Variants in EXOC1 observed in about 807,000 individuals in gnomAD.
The protein encoded by EXOC1 is exocyst complex component 1, also known as SEC3-like 1.
EXOC1 carries 67 observed loss-of-function variants against 107.7 expected under a neutral mutation model. That is an observed-to-expected ratio of 0.62 (90% CI 0.51 to 0.76). The LOEUF is 0.76. Among genes scored for constraint, EXOC1 ranks in the 30% least tolerant of loss-of-function variants. The pLI is 0.00. For missense variants in EXOC1, 833 were observed against 1,055.7 expected, an observed-to-expected ratio of 0.79 and a Z score of 2.92; for synonymous variants, 348 against 353.5, an observed-to-expected ratio of 0.98 and a Z score of 0.17.
In EXOC1 at chr4:55,868,311, T is replaced by C. The variant is rs1316926507; in HGVS notation, c.416-25T>C. 3.2e-6 allele frequency: 5 copies of C among 1,583,132 alleles called. No individual in the cohort carries two copies. The African/African-American group carries it at 6.8e-5, about 22-fold the overall frequency. ...GTCTTTTCTACTTTTTTGACTATTT[T>C]ACTTTGAATTTTTACCTCTTTAAGA... On this transcript the variant is annotated intron_variant, in intron 4 of 18. Transcript: ENST00000381295.
At position 55,892,696 on chromosome 4, in the gene EXOC1, T is replaced by C; in HGVS notation, c.1709T>C (p.Leu570Pro). Reference sequence around the variant, plus strand: ...CGGCAACATAATTGTGGCACACCACTGCCTGTTTCATCTGAGTATGTCTTT... The same window carrying C: ...CGGCAACATAATTGTGGCACACCACCGCCTGTTTCATCTGAGTATGTCTTT... ...LSRQHNCGTP[L>P]PVSSEKDMIR... Residue 570 changes from leucine (L) to proline (P), a missense_variant, in exon 14 of 19, where the codon CTG (leucine) becomes CCG (proline). Coordinates refer to ENST00000381295, the MANE Select transcript of EXOC1 (RefSeq NM_001024924.2). The C allele has an allele frequency of 2.5e-6, 4 of 1,614,098 alleles. No individual in the cohort carries two copies. Among genetic ancestry groups the C allele is most frequent in the African/African-American group, 1.3e-5 (1 of 75,032 alleles).
chr4:55,882,360 A>G (rs1225012535), intron 9 of EXOC1, among the ~76,000 whole-genome samples: 1 of 152,094 alleles, frequency 6.6e-6, no homozygotes, highest in African/African-American at 2.4e-5. Context: ...GGCTGGCATC[A>G]TAGAGTTTTG....
Position 55,893,653 on chromosome 4 carries a change from C to T in EXOC1, c.1826C>T (p.Ser609Phe), listed in dbSNP as rs770147187. 6.2e-7 allele frequency: 1 copy of T among 1,614,082 alleles called. No individual in the cohort carries two copies. The highest frequency in any genetic ancestry group is 1.1e-5 in the South Asian group (1 of 91,082). ...GGAGACAAAATTGATAGCTTTAACT[C>T]TCTTTATATGTTAGTCAAAATGAGT... ...ALGDKIDSFNSLYMLVKMSHH... is the reference protein window; with the variant it reads ...ALGDKIDSFNFLYMLVKMSHH... The change falls in exon 15 of 19, where the codon TCT (serine) becomes TTT (phenylalanine). Residue 609 changes from serine to phenylalanine, a missense_variant. This residue lies in a region of EXOC1 where 216 missense variants were observed against 354.4 expected (regional missense o/e 0.61). Transcript: ENST00000381295.
intron 16 of EXOC1, among the ~76,000 whole-genome samples, chr4:55,898,074 G>A (rs1311164255): frequency 6.6e-6 from 1 of 152,136 alleles, no homozygotes; most frequent in African/African-American, 2.4e-5. Context: ...GGGCATCATA[G>A]TGAGGCCTTG....
chr4:55,874,780 A>G (rs1196745983), intron 8 of EXOC1, among the ~76,000 whole-genome samples: 3 of 152,094 alleles, frequency 2.0e-5, no homozygotes, highest in South Asian at 4.1e-4. Flanking sequence ...TTTTACATTT[A>G]CTAGGGATTT....
At chr4:55,902,164 C>G (rs1003991700) in intron 17 of EXOC1, 180 bp from the exon 18 acceptor site, 1 of 411,048 alleles carries the variant, frequency 2.4e-6, no homozygotes, top group African/African-American at 2.1e-5. Flanking sequence ...ACAAGGAACT[C>G]TACAATATTA....
At chr4:55,865,727 A>G (rs1287238233) in intron 4 of EXOC1, among the ~76,000 whole-genome samples, 5 of 152,146 alleles carry the variant, frequency 3.3e-5, no homozygotes, top group African/African-American at 4.8e-5. Context: ...GGACAGTCAT[A>G]TAGAAAAATA....
At chr4:55,863,243 A>G (rs1052659582) in intron 3 of EXOC1, among the ~76,000 whole-genome samples, 9 of 152,118 alleles carry the variant, frequency 5.9e-5, no homozygotes, top group Admixed American at 3.3e-4. Context: ...CATTCAAGGG[A>G]GAAATATTAG....
intron 5 of EXOC1, 148 bp downstream of exon 5, chr4:55,868,671 CT>C: frequency 1.8e-6 from 1 of 556,732 alleles, no homozygotes. Context: ...TGCCATCAGT[CT>C]TTTACTGTTC....
intron 1 of EXOC1, 61 bp from the exon 2 acceptor site, chr4:55,858,253 A>G (rs769761310): frequency 1.9e-5 from 27 of 1,428,312 alleles, no homozygotes; most frequent in Non-Finnish European, 2.0e-5. Flanking sequence ...TCATAAATTC[A>G]GAAGTATAAG....
chr4:55,892,816 C>A, intron 14 of EXOC1, 105 bp downstream of exon 14: 2 of 986,778 alleles, frequency 2.0e-6, no homozygotes, highest in Non-Finnish European at 3.2e-6. Flanking sequence ...CCTGACAGCA[C>A]TCACAGTACC....
chr4:55,871,245 A>G lies in EXOC1; in HGVS notation c.964+12A>G, dbSNP rs1252670031. On this transcript the variant is annotated intron_variant, in intron 7 of 18. Transcript: ENST00000381295. ...AGCTCTTCGACCAGGTATGTTCATT[A>G]GAAATGACAAAAATGTGACCAAGAA... The G allele has an allele frequency of 6.3e-7, 1 of 1,598,454 alleles. No individual in the cohort carries two copies. The highest frequency in any genetic ancestry group is 1.3e-5 in the African/African-American group (1 of 74,338).
rs1227488641 is a variant in EXOC1 at position 55,902,791 on chromosome 4, T to TGGTC, written c.2532+256_2532+257insCGGT. 2.0e-5 allele frequency among the ~76,000 whole-genome samples: 3 copies of TGGTC among 151,558 alleles called. No individual in the cohort carries two copies. In the East Asian group the frequency reaches 5.8e-4, roughly 29 times the overall value. On this transcript the variant is annotated intron_variant, in intron 18 of 18. Coordinates refer to ENST00000381295, the MANE Select transcript of EXOC1 (RefSeq NM_001024924.2). ...GTTTTTCTTTGGTTGGTTGGTTGGT[T>TGGTC]GGTTGGTTGGTTGGTTGAGTGGTTG...
chr4:55,853,815 GCT>G lies in EXOC1; in HGVS notation c.-148_-147del, dbSNP rs1213526215. On this transcript the variant is annotated 5_prime_UTR_variant, in exon 1 of 19. Transcript: ENST00000381295. Reference sequence around the variant, plus strand: ...GCCTTGCGGTAAGCCTTCGGCCGCGGCTGCCCGGTAGTCCCGGCGGCGGCGGA... The same window carrying G: ...GCCTTGCGGTAAGCCTTCGGCCGCGGGCCCGGTAGTCCCGGCGGCGGCGGA... The G allele has an allele frequency of 6.6e-6, 1 of 152,360 alleles. No individual in the cohort carries two copies. Among genetic ancestry groups the G allele is most frequent in the East Asian group, 1.9e-4 (1 of 5,200 alleles). The allele number at this position is 152,360 out of a possible 1,614,324, so 9.4% of individuals were successfully genotyped here.
At position 55,902,355 on chromosome 4, in the gene EXOC1, A is replaced by C. The variant is rs2109519354; in HGVS notation, c.2349A>C (p.Glu783Asp). 2.1e-6 allele frequency: 3 copies of C among 1,461,780 alleles called. No homozygotes were observed. The highest frequency in any genetic ancestry group is 1.8e-4 in the Middle Eastern group (1 of 5,488). The allele number at this position is 1,461,780 out of a possible 1,614,324, so 90.6% of individuals were successfully genotyped here. The change falls in exon 18 of 19, where the codon GAA (glutamate) becomes GAC (aspartate). Residue 783 changes from glutamate (E) to aspartate (D), a missense_variant. Coordinates refer to ENST00000381295, the MANE Select transcript of EXOC1 (RefSeq NM_001024924.2). ...QPLEKLNHFF[E>D]GVEARVAQGI... ...TCATTTCCTTGAAGCATTTCTTTGA[A>C]GGTGTTGAAGCTCGCGTGGCACAGG...
chr4:55,904,483 A>G lies in EXOC1; in HGVS notation c.2673A>G (p.Ala891=). The G allele has an allele frequency of 6.2e-7, 1 of 1,611,946 alleles. No homozygotes were observed. Among genetic ancestry groups the G allele is most frequent in the Non-Finnish European group, 8.5e-7 (1 of 1,179,124 alleles). ...QDILDYCSSI[A]QSH is the part of the protein sequence containing the mutation. ...TTCTGGATTATTGTTCCAGCATTGC[A>G]CAGTCCCACTAAACCTTGTGAAAGA... The change falls in exon 19 of 19, where the codon GCA becomes GCG. Residue 891 remains alanine, a synonymous_variant. Coordinates refer to ENST00000381295, the MANE Select transcript of EXOC1 (RefSeq NM_001024924.2).
At position 55,860,460 on chromosome 4, in the gene EXOC1, C is replaced by G. The variant is rs553814186; in HGVS notation, c.174C>G (p.Ser58=). ...VQVKVVKVKK[S]DKGDFYKRQI... is the part of the protein sequence containing the mutation. ...TTAAGGTGGTCAAAGTCAAGAAATC[C>G]GATAAGGGAGATTTCTACAAAAGGC... Residue 58 remains serine (S), a synonymous_variant, in exon 3 of 19, where the codon TCC becomes TCG. Coordinates refer to ENST00000381295, the MANE Select transcript of EXOC1 (RefSeq NM_001024924.2). 1 of 1,613,858 alleles carries G rather than the reference C, an allele frequency of 6.2e-7. No individual in the cohort carries two copies. The highest frequency in any genetic ancestry group is 1.7e-5 in the Admixed American group (1 of 60,006).
intron 6 of EXOC1, 76 bp downstream of exon 6, chr4:55,870,981 T>C (rs1265974273): frequency 1.9e-6 from 3 of 1,546,632 alleles, no homozygotes; most frequent in South Asian, 1.2e-5. Flanking sequence ...CATTTTTTAA[T>C]TTCCTTGTGA....
At chr4:55,889,346 T>C (rs896784768) in intron 11 of EXOC1, among the ~76,000 whole-genome samples, 1 of 152,224 alleles carries the variant, frequency 6.6e-6, no homozygotes, top group African/African-American at 2.4e-5. Flanking sequence ...TCAGGAAGGA[T>C]GTTTTTAAAA....
Sources: allele counts gnomAD v4.1 joint callset (sites outside exome capture counted in the v4.1 genomes callset), GRCh38; gene constraint gnomAD v4.1.1; regional missense constraint gnomAD v4.1.1; transcripts MANE v1.5; gene names NCBI Gene and HGNC (gene_info 2026-07-23, HGNC 2026-07-21).